PPP1R12A: variants seen among roughly 807,000 people sequenced by gnomAD.
PPP1R12A encodes protein phosphatase 1 regulatory subunit 12A.
Under a neutral mutation model 139.6 loss-of-function variants are expected in PPP1R12A, and 19 were observed. The ratio of observed to expected loss-of-function variants is 0.14; its 90% CI spans 0.09 to 0.20. The LOEUF is 0.20. PPP1R12A is among the 10% of genes least tolerant of loss of function. The pLI, the probability that PPP1R12A is intolerant of heterozygous loss-of-function variation, is 1.00. For missense variants in PPP1R12A, 925 were observed against 1,211.5 expected, an observed-to-expected ratio of 0.76 and a Z score of 3.51; for synonymous variants, 427 against 420.6, an observed-to-expected ratio of 1.02 and a Z score of -0.19.
At chr12:79,935,290 C>CGGT, upstream of PPP1R12A, 1 of 1,062,298 alleles carries the variant, frequency 9.4e-7, no homozygotes, top group Non-Finnish European at 1.1e-6. Flanking sequence ...CGAACTGCGG[C>CGGT]GGTGGTGGCT....
intron 3 of PPP1R12A, 165 bp from the exon 4 acceptor site, chr12:79,832,656 A>G: frequency 1.0e-5 from 6 of 580,294 alleles, no homozygotes; most frequent in Non-Finnish European, 1.4e-5. Flanking sequence ...AAATGTGGGG[A>G]TATTGTAGAC....
intron 1 of PPP1R12A, among the ~76,000 whole-genome samples, chr12:79,920,216 A>G (rs1018436773): frequency 1.3e-5 from 2 of 152,198 alleles, no homozygotes; most frequent in Non-Finnish European, 2.9e-5. Flanking sequence ...TTGCTACTGA[A>G]TAATATTCCG....
At chr12:79,925,378 G>T (rs911127021) in intron 1 of PPP1R12A, among the ~76,000 whole-genome samples, 1 of 152,104 alleles carries the variant, frequency 6.6e-6, no homozygotes, top group Non-Finnish European at 1.5e-5. Flanking sequence ...GCACTATGCA[G>T]TATTCAAGAA....
intron 24 of PPP1R12A, chr12:79,777,522 A>G (rs1869882499): frequency 1.0e-6 from 1 of 985,272 alleles, no homozygotes; most frequent in East Asian, 1.1e-4. Context: ...TAAAAATTAT[A>G]GGTTCACAGA....
At chr12:79,812,801 G>A (rs144265746) in intron 9 of PPP1R12A, among the ~76,000 whole-genome samples, 298 of 152,054 alleles carry the variant, frequency 2.0e-3, no homozygotes, top group African/African-American at 5.8e-3. Context: ...TCTGTTAATG[G>A]CACTAAGTAT....
At position 79,897,098 on chromosome 12, in the gene PPP1R12A, C is replaced by G. The variant is rs188171491; in HGVS notation, c.238-24160G>C. ...ATATGTACTTGCATGTCCATTGCTG[C>G]GCCATGCACAACAGCAAAAACATGG... On this transcript the variant is annotated intron_variant, in intron 1 of 24. Transcript: ENST00000450142. Among the ~76,000 whole-genome samples the G allele has an allele frequency of 8.8e-4, 134 of 152,272 alleles. 1 individual carries two copies. The highest frequency in any genetic ancestry group is 2.8e-3 in the African/African-American group (118 of 41,554).
chr12:79,849,947 C>T (rs940287432), intron 2 of PPP1R12A, among the ~76,000 whole-genome samples: 2 of 151,974 alleles, frequency 1.3e-5, no homozygotes, highest in African/African-American at 4.8e-5. Flanking sequence ...CCTCGGCCTC[C>T]CTAGTTGCTA....
intron 2 of PPP1R12A, among the ~76,000 whole-genome samples, chr12:79,860,796 A>G (rs1281816923): frequency 6.6e-6 from 1 of 152,204 alleles, no homozygotes; most frequent in African/African-American, 2.4e-5. Flanking sequence ...CTAAGGACAA[A>G]AAGAAATGCC....
At chr12:79,897,295 A>C (rs1047358744) in intron 1 of PPP1R12A, among the ~76,000 whole-genome samples, 3 of 152,242 alleles carry the variant, frequency 2.0e-5, no homozygotes, top group Admixed American at 6.5e-5. Flanking sequence ...TAATGCAGGA[A>C]CAGAAAACCA....
intron 21 of PPP1R12A, 35 bp downstream of exon 21, chr12:79,788,613 A>T (rs1871403965): frequency 6.5e-7 from 1 of 1,536,818 alleles, no homozygotes; most frequent in Admixed American, 2.0e-5. Flanking sequence ...ATAAAAGATA[A>T]CTTTTTATTA....
intron 1 of PPP1R12A, among the ~76,000 whole-genome samples, chr12:79,874,534 T>A (rs905402517): frequency 5.3e-5 from 8 of 152,122 alleles, no homozygotes; most frequent in African/African-American, 1.7e-4. Context: ...TTGTTATTTT[T>A]AAATGAATTA....
At chr12:79,899,976 A>G (rs931791523) in intron 1 of PPP1R12A, among the ~76,000 whole-genome samples, 1 of 152,074 alleles carries the variant, frequency 6.6e-6, no homozygotes, top group Non-Finnish European at 1.5e-5. Flanking sequence ...GTTATTTTGC[A>G]TATTATTCAT....
intron 4 of PPP1R12A, 30 bp downstream of exon 4, chr12:79,832,302 T>C (rs750620172): frequency 3.8e-6 from 6 of 1,563,630 alleles, no homozygotes; most frequent in East Asian, 4.6e-5. Flanking sequence ...CAAACTAAAA[T>C]AGAAAAACTC....
At chr12:79,917,519 A>G (rs1401817401) in intron 1 of PPP1R12A, among the ~76,000 whole-genome samples, 1 of 151,524 alleles carries the variant, frequency 6.6e-6, no homozygotes, top group Non-Finnish European at 1.5e-5. Flanking sequence ...TTTAATATAT[A>G]ACAATTATGT....
intron 2 of PPP1R12A, among the ~76,000 whole-genome samples, chr12:79,852,402 C>A (rs889366289): frequency 6.6e-6 from 1 of 151,662 alleles, no homozygotes; most frequent in African/African-American, 2.4e-5. Flanking sequence ...CGCCATGTTG[C>A]GCAGGCTGGT....
rs756853044 is a variant in PPP1R12A, at chr12:79,793,879, T to C, written c.2633A>G (p.Asn878Ser). The change falls in exon 19 of 25, where the codon AAT becomes AGT. Residue 878 changes from asparagine (N) to serine (S), a missense_variant. This residue lies in a region of PPP1R12A where 315 missense variants were observed against 363.4 expected (regional missense o/e 0.87). Coordinates refer to ENST00000450142, the MANE Select transcript of PPP1R12A (RefSeq NM_002480.3). ...GGTATTTACCTGAGTTTCTTTCTTATTGGATCCCTCTTCTGTGTCTGATTG... is the reference window on the plus strand; with the variant it reads ...GGTATTTACCTGAGTTTCTTTCTTACTGGATCCCTCTTCTGTGTCTGATTG... ...EQQSDTEEGSNKKETQTDSIS... is the reference protein window; with the variant it reads ...EQQSDTEEGSSKKETQTDSIS... The C allele has an allele frequency of 6.3e-7, 1 of 1,592,978 alleles. No individual in the cohort carries two copies. Among genetic ancestry groups the C allele is most frequent in the East Asian group, 2.3e-5 (1 of 43,706 alleles).
chr12:79,875,640 A>C (rs544206775), intron 1 of PPP1R12A, among the ~76,000 whole-genome samples: 17 of 152,324 alleles, frequency 1.1e-4, no homozygotes, highest in African/African-American at 4.1e-4. Context: ...TCTTTGGTTT[A>C]TTGCCAAAAG....
chr12:79,910,538 A>G (rs1161004101), intron 1 of PPP1R12A, among the ~76,000 whole-genome samples: 1 of 62,484 alleles, frequency 1.6e-5, no homozygotes, highest in African/African-American at 6.4e-5. Flanking sequence ...AATCCCCATG[A>G]CTTTATTCTT....
At chr12:79,824,104 GAA>G (rs1876477117) in intron 5 of PPP1R12A, among the ~76,000 whole-genome samples, 1 of 152,068 alleles carries the variant, frequency 6.6e-6, no homozygotes. Flanking sequence ...TCAATCTTGG[GAA>G]ATAGAAGCCA....
Sources: gnomAD v4.1 joint callset for allele counts (sites outside exome capture counted in the v4.1 genomes callset) on GRCh38, gnomAD v4.1.1 for gene constraint, gnomAD v4.1.1 regional missense constraint, MANE v1.5 for transcripts, NCBI Gene and HGNC (gene_info 2026-07-23, HGNC 2026-07-21) for gene names.